The following FRYL variants were observed in gnomAD, a reference collection of about 807,000 sequenced individuals.
FRYL encodes the protein protein furry homolog-like.
A neutral mutation model predicts 351.2 loss-of-function variants in FRYL; 150 were observed. That is an observed-to-expected ratio of 0.43 (90% CI 0.37 to 0.49). The LOEUF is 0.49. FRYL is among the 20% of genes least tolerant of loss of function. FRYL has a pLI of 0.00. For missense variants in FRYL, 3,036 were observed against 3,619.3 expected (o/e 0.84, Z 4.13); for synonymous variants, 1,153 against 1,257.1 (o/e 0.92, Z 1.75).
chr4:48,550,356 C>T, intron 38 of FRYL: 1 of 460,096 alleles, frequency 2.2e-6, no homozygotes, highest in Non-Finnish European at 3.8e-6. Flanking sequence ...TCCTGAGAAC[C>T]AGTTCTTATG....
At chr4:48,532,427 G>A (rs1490295695) in intron 49 of FRYL, among the ~76,000 whole-genome samples, 1 of 152,214 alleles carries the variant, frequency 6.6e-6, no homozygotes, top group Non-Finnish European at 1.5e-5. Flanking sequence ...GGGGGCCAAT[G>A]CAGGCAGACC....
At chr4:48,774,324 A>C (rs1055287283) in intron 1 of FRYL, among the ~76,000 whole-genome samples, 1 of 152,160 alleles carries the variant, frequency 6.6e-6, no homozygotes, top group Non-Finnish European at 1.5e-5. Context: ...AACATATCAA[A>C]ACTGCTGCAT....
At chr4:48,530,178 C>T (rs6848222) in intron 50 of FRYL, among the ~76,000 whole-genome samples, 149,808 of 152,268 alleles carry the variant, frequency 0.98, 73,730 homozygotes, top group East Asian at 1. Context: ...CTCTCCTTCC[C>T]TGCTGTAAGA....
At position 48,582,733 on chromosome 4, in the gene FRYL, G is replaced by T; in HGVS notation, c.1750C>A (p.Leu584Ile). The T allele has an allele frequency of 6.2e-7, 1 of 1,609,768 alleles. No homozygotes were observed. Among genetic ancestry groups the T allele is most frequent in the Non-Finnish European group, 8.5e-7 (1 of 1,176,484 alleles). The change falls in exon 20 of 64, where the codon CTC (leucine) becomes ATC (isoleucine). Residue 584 changes from leucine to isoleucine, a missense_variant and splice_region_variant. Leu to Ile is a conservative substitution (Grantham distance 5, BLOSUM62 2). This residue lies in a region of FRYL where 78 missense variants were observed against 106.6 expected (regional missense o/e 0.73). Transcript: ENST00000358350. ...RTDLIELLAR[L>I]TIHMDEELRA... ...AGTTCTTCATCCATATGAATTGTGA[G>T]CCTACCAAGAACAAAATTCCATTAG...
At chr4:48,661,237 A>G (rs1760653960) in intron 3 of FRYL, among the ~76,000 whole-genome samples, 1 of 152,252 alleles carries the variant, frequency 6.6e-6, no homozygotes, top group Non-Finnish European at 1.5e-5. Flanking sequence ...TTCTACTTCT[A>G]GCCCTGAGGG....
chr4:48,771,847 A>T (rs1775548959), intron 1 of FRYL, among the ~76,000 whole-genome samples: 1 of 152,226 alleles, frequency 6.6e-6, no homozygotes, highest in Admixed American at 6.5e-5. Context: ...CACTGAAAAC[A>T]TCAAATTATA....
At chr4:48,593,255 T>TAAA (rs1175287059) in intron 16 of FRYL, among the ~76,000 whole-genome samples, 1 of 38,668 alleles carries the variant, frequency 2.6e-5, no homozygotes, top group East Asian at 7.6e-4. Flanking sequence ...CAATGTGAAG[T>TAAA]AAAAAAAAAA....
Position 48,557,768 on chromosome 4 carries a change from G to A in FRYL, c.3866-56C>T, listed in dbSNP as rs554616058. 8.9e-4 allele frequency: 1,413 copies of A among 1,581,734 alleles called. 21 individuals are homozygous for A. The South Asian group carries it at 0.013, about 15-fold the overall frequency. ...ATGTAATTTCAGCTTCCTCTGACCC[G>A]TAATTAATTCCAACAGATTTCAGAA... is the stretch of plus-strand genomic sequence containing the variant. On this transcript the variant is annotated intron_variant, in intron 33 of 63. Transcript: ENST00000358350.
intron 60 of FRYL, among the ~76,000 whole-genome samples, chr4:48,504,499 A>G (rs1340944718): frequency 6.6e-6 from 1 of 152,160 alleles, no homozygotes; most frequent in Non-Finnish European, 1.5e-5. Flanking sequence ...AACAGTGGCA[A>G]AGACAGACAG....
At chr4:48,653,658 T>C (rs1403547328) in intron 3 of FRYL, 14 of 1,151,742 alleles carry the variant, frequency 1.2e-5, no homozygotes, top group Non-Finnish European at 1.5e-5. Context: ...ATGCAAGGAA[T>C]GGCAATGATA....
chr4:48,715,784 C>T (rs1385730130), intron 1 of FRYL, among the ~76,000 whole-genome samples: 1 of 152,162 alleles, frequency 6.6e-6, no homozygotes, highest in Non-Finnish European at 1.5e-5. Flanking sequence ...CTTTAAAGTT[C>T]ATATGGAACC....
intron 1 of FRYL, among the ~76,000 whole-genome samples, chr4:48,773,634 T>G (rs1775735801): frequency 6.6e-6 from 1 of 152,152 alleles, no homozygotes; most frequent in South Asian, 2.1e-4. Context: ...GGGTTAAATT[T>G]TCTCTTAAAA....
chr4:48,517,690 C>G (rs936395297), intron 55 of FRYL, among the ~76,000 whole-genome samples: 1 of 152,084 alleles, frequency 6.6e-6, no homozygotes, highest in Non-Finnish European at 1.5e-5. Flanking sequence ...CAGAGTGTAA[C>G]GTGTGTATAT....
intron 1 of FRYL, among the ~76,000 whole-genome samples, chr4:48,761,140 C>T (rs1263197423): frequency 2.0e-5 from 3 of 151,824 alleles, no homozygotes; most frequent in Non-Finnish European, 2.9e-5. Context: ...TATTTGAGAT[C>T]CCTGTATATA....
At chr4:48,704,575 G>A (rs1212445547) in intron 2 of FRYL, among the ~76,000 whole-genome samples, 2 of 152,196 alleles carry the variant, frequency 1.3e-5, no homozygotes, top group Non-Finnish European at 2.9e-5. Context: ...CACATTGGGA[G>A]GCCAAGGCAG....
intron 1 of FRYL, among the ~76,000 whole-genome samples, chr4:48,749,051 A>G (rs1560350911): frequency 1.3e-5 from 2 of 152,346 alleles, no homozygotes; most frequent in East Asian, 1.9e-4. Context: ...AAGCAACATC[A>G]TAACAGATGA....
At position 48,499,152 on chromosome 4, in the gene FRYL, TC is replaced by T. The variant is rs1260169090; in HGVS notation, c.*269del. On this transcript the variant is annotated 3_prime_UTR_variant, in exon 64 of 64. Coordinates refer to ENST00000358350, the MANE Select transcript of FRYL (RefSeq NM_015030.2). ...CCAGAAAGTAATGTATTTGTAGGCA[TC>T]ACTTTTAGCCCTTTTCTTTTCACGT... The T allele has an allele frequency of 2.9e-6, 1 of 348,540 alleles. No homozygotes were observed. Among genetic ancestry groups the T allele is most frequent in the African/African-American group, 2.1e-5 (1 of 47,542 alleles). 21.6% of individuals were successfully genotyped at this position (348,540 alleles called of 1,614,324 possible).
intron 3 of FRYL, among the ~76,000 whole-genome samples, chr4:48,656,121 A>C (rs1368737587): frequency 2.0e-5 from 1 of 48,832 alleles, no homozygotes; most frequent in East Asian, 7.7e-4. Context: ...TATATACATA[A>C]ATAATATATA....
intron 13 of FRYL, among the ~76,000 whole-genome samples, chr4:48,601,026 A>T (rs929810882): frequency 6.6e-6 from 1 of 152,196 alleles, no homozygotes; most frequent in Non-Finnish European, 1.5e-5. Context: ...CAGTTTTGAA[A>T]ATTATACATA....
Sources: gnomAD v4.1 joint callset for allele counts (sites outside exome capture counted in the v4.1 genomes callset) on GRCh38, gnomAD v4.1.1 for gene constraint, gnomAD v4.1.1 regional missense constraint, MANE v1.5 for transcripts, NCBI Gene and HGNC (gene_info 2026-07-23, HGNC 2026-07-21) for gene names.